Variants in ITPR1 observed in about 807,000 individuals in gnomAD.
ITPR1 encodes inositol 1,4,5-trisphosphate-gated calcium channel ITPR1.
ITPR1 carries 96 observed loss-of-function variants against 318.4 expected under a neutral mutation model. The ratio of observed to expected loss-of-function variants is 0.30; its 90% CI spans 0.26 to 0.36. ITPR1 has a LOEUF of 0.36. Among genes scored for constraint, ITPR1 ranks in the 10% least tolerant of loss-of-function variants. The pLI is 1.00. For missense variants in ITPR1, 2,440 were observed against 3,460.2 expected (o/e 0.71, Z 7.40); for synonymous variants, 1,312 against 1,289.9 (o/e 1.02, Z -0.37).
At chr3:4,505,899 C>A (rs1342833479) in intron 2 of ITPR1, among the ~76,000 whole-genome samples, 1 of 152,136 alleles carries the variant, frequency 6.6e-6, no homozygotes, top group Non-Finnish European at 1.5e-5. Flanking sequence ...GTCATTTGGA[C>A]TTTGCTGTTT....
chr3:4,822,824 C>A (rs188886904), intron 60 of ITPR1, among the ~76,000 whole-genome samples: 1 of 152,150 alleles, frequency 6.6e-6, no homozygotes, highest in East Asian at 1.9e-4. Flanking sequence ...GGGCCCTGGA[C>A]AAGCCTGGGC....
At chr3:4,764,145 G>A (rs1179051944) in intron 44 of ITPR1, among the ~76,000 whole-genome samples, 1 of 152,116 alleles carries the variant, frequency 6.6e-6, no homozygotes, top group Non-Finnish European at 1.5e-5. Flanking sequence ...ATAATTAGGT[G>A]GCTTCAGGTT....
rs531347319 is a variant in ITPR1, at chr3:4,575,290, G to T, written c.164-52473G>T. 2.6e-5 allele frequency among the ~76,000 whole-genome samples: 4 copies of T among 152,262 alleles called. No homozygotes were observed. In the East Asian group the frequency reaches 5.8e-4, roughly 22 times the overall value. On this transcript the variant is annotated intron_variant, in intron 4 of 61. Transcript: ENST00000649015. ...AGGATAGAGGAAAACCAGAGAGAAG[G>T]TTTAAATGGGATTTATCTATCATCT...
chr3:4,832,641 ATAAAT>A (rs2050597886), intron 60 of ITPR1, among the ~76,000 whole-genome samples: 1 of 152,262 alleles, frequency 6.6e-6, no homozygotes, highest in African/African-American at 2.4e-5. Flanking sequence ...TCTCAAAAAA[ATAAAT>A]TGACCTTTCT....
chr3:4,717,304 G>A, intron 39 of ITPR1, 63 bp from the exon 40 acceptor site: 5 of 1,345,492 alleles, frequency 3.7e-6, no homozygotes, highest in Non-Finnish European at 5.3e-6. Context: ...CTATAAACTT[G>A]GCTGGCTTGT....
intron 4 of ITPR1, among the ~76,000 whole-genome samples, chr3:4,535,761 C>T (rs2083819751): frequency 6.6e-6 from 1 of 152,018 alleles, no homozygotes; most frequent in Non-Finnish European, 1.5e-5. Context: ...GTTATTTTCT[C>T]TCCAAAATCT....
chr3:4,567,716 C>G (rs775160429), intron 4 of ITPR1, among the ~76,000 whole-genome samples: 1 of 152,242 alleles, frequency 6.6e-6, no homozygotes, highest in African/African-American at 2.4e-5. Flanking sequence ...ATCCTCCCAC[C>G]TCAGCCTCAC....
intron 51 of ITPR1, among the ~76,000 whole-genome samples, chr3:4,786,309 T>C (rs1379332128): frequency 2.0e-5 from 3 of 152,048 alleles, no homozygotes; most frequent in Non-Finnish European, 4.4e-5. Flanking sequence ...TTAAATGGGG[T>C]TGAGTTATGG....
chr3:4,840,371 A>C (rs766522780), intron 61 of ITPR1, among the ~76,000 whole-genome samples: 1 of 152,230 alleles, frequency 6.6e-6, no homozygotes, highest in Non-Finnish European at 1.5e-5. Flanking sequence ...AAATCTTGTG[A>C]TATTTTTTAA....
At chr3:4,703,838 G>T (rs1230123398) in intron 36 of ITPR1, among the ~76,000 whole-genome samples, 1 of 152,092 alleles carries the variant, frequency 6.6e-6, no homozygotes, top group Non-Finnish European at 1.5e-5. Context: ...TATTGGTGTG[G>T]CCGTATTTCA....
intron 52 of ITPR1, among the ~76,000 whole-genome samples, chr3:4,794,232 C>G (rs1176785259): frequency 1.3e-5 from 2 of 152,194 alleles, no homozygotes; most frequent in Non-Finnish European, 2.9e-5. Context: ...ACCCCTGTAA[C>G]CAAGTGTTTG....
intron 5 of ITPR1, among the ~76,000 whole-genome samples, chr3:4,631,859 T>C (rs1351281433): frequency 6.6e-6 from 1 of 152,192 alleles, no homozygotes; most frequent in Non-Finnish European, 1.5e-5. Context: ...CCATCATGGC[T>C]CACTGCAGCC....
intron 30 of ITPR1, among the ~76,000 whole-genome samples, 183 bp downstream of exon 30, chr3:4,685,389 G>A (rs1027370542): frequency 4.6e-5 from 7 of 152,360 alleles, no homozygotes; most frequent in Admixed American, 1.3e-4. Context: ...AAAATCACCC[G>A]TGAATAATCC....
intron 38 of ITPR1, chr3:4,711,495 T>G: frequency 2.7e-6 from 1 of 372,816 alleles, no homozygotes; most frequent in Non-Finnish European, 4.9e-6. Flanking sequence ...TCGGTTCTCC[T>G]CTCCATATAA....
intron 3 of ITPR1, among the ~76,000 whole-genome samples, chr3:4,516,955 CTCT>C (rs1575382694): frequency 6.6e-6 from 1 of 152,280 alleles, no homozygotes; most frequent in East Asian, 1.9e-4. Context: ...TTTGTAAAGG[CTCT>C]TCTTTTCAGA....
intron 4 of ITPR1, among the ~76,000 whole-genome samples, chr3:4,616,393 C>G (rs937555455): frequency 1.3e-5 from 2 of 152,104 alleles, no homozygotes; most frequent in Non-Finnish European, 2.9e-5. Flanking sequence ...AATCTTAACC[C>G]CCTTGGTGGG....
At chr3:4,790,468 A>G (rs1461316500) in intron 52 of ITPR1, among the ~76,000 whole-genome samples, 3 of 152,252 alleles carry the variant, frequency 2.0e-5, no homozygotes, top group Admixed American at 1.3e-4. Flanking sequence ...GTCAGCTGAA[A>G]GATTTTAATT....
At chr3:4,651,921 T>C (rs944253365) in intron 10 of ITPR1, among the ~76,000 whole-genome samples, 1 of 152,278 alleles carries the variant, frequency 6.6e-6, no homozygotes, top group Non-Finnish European at 1.5e-5. Context: ...ACTAGGAGAC[T>C]CGATGCCTTC....
chr3:4,720,390 A>G (rs2042064830), intron 40 of ITPR1, among the ~76,000 whole-genome samples: 1 of 152,200 alleles, frequency 6.6e-6, no homozygotes, highest in Non-Finnish European at 1.5e-5. Context: ...CCAACAGGTA[A>G]TCATGTGAAT....
Sources: allele counts gnomAD v4.1 joint callset (sites outside exome capture counted in the v4.1 genomes callset), GRCh38; gene constraint gnomAD v4.1.1; transcripts MANE v1.5; gene names NCBI Gene and HGNC (gene_info 2026-07-23, HGNC 2026-07-21).